The following AGBL1 variants were observed in gnomAD, a reference collection of about 807,000 sequenced individuals.
AGBL1 encodes the protein cytosolic carboxypeptidase 4.
AGBL1 carries 130 observed loss-of-function variants against 118.9 expected under a neutral mutation model. The observed-to-expected ratio is 1.09, with a 90% CI of 0.95 to 1.26. The LOEUF is 1.26. AGBL1 is among the 50% of genes most tolerant of loss of function. The pLI, the probability that AGBL1 is intolerant of heterozygous loss-of-function variation, is 0.00. For missense variants in AGBL1, 1,584 were observed against 1,298.1 expected (o/e 1.22, Z -3.38); for synonymous variants, 555 against 478.9 (o/e 1.16, Z -2.08).
chr15:86,313,358 C>T (rs895171469), intron 17 of AGBL1, among the ~76,000 whole-genome samples: 1 of 152,146 alleles, frequency 6.6e-6, no homozygotes, highest in Non-Finnish European at 1.5e-5. Context: ...AGTCTAAGCA[C>T]ACTTACGCAA....
At chr15:86,748,592 A>T (rs1424840807) in intron 22 of AGBL1, among the ~76,000 whole-genome samples, 2 of 124,006 alleles carry the variant, frequency 1.6e-5, no homozygotes, top group East Asian at 5.0e-4. Flanking sequence ...GCCCATGCCT[A>T]TGTCCTGAAT....
At chr15:86,266,059 C>G (rs918079938) in intron 11 of AGBL1, among the ~76,000 whole-genome samples, 17 of 152,200 alleles carry the variant, frequency 1.1e-4, no homozygotes, top group African/African-American at 4.1e-4. Context: ...ATTCCCACAG[C>G]TAGAAAAGTT....
At chr15:86,420,769 C>G (rs1483246558) in intron 18 of AGBL1, among the ~76,000 whole-genome samples, 2 of 152,146 alleles carry the variant, frequency 1.3e-5, no homozygotes, top group African/African-American at 4.8e-5. Flanking sequence ...ATATAAATGA[C>G]CTGATGGAGC....
chr15:86,906,346 C>T (rs28628097), intron 22 of AGBL1, among the ~76,000 whole-genome samples: 24,378 of 152,208 alleles, frequency 0.16, 2,343 homozygotes, highest in African/African-American at 0.28. Flanking sequence ...CCTACTGCCC[C>T]CTTCTATCGC....
intron 24 of AGBL1, among the ~76,000 whole-genome samples, chr15:86,992,170 C>T (rs1457488622): frequency 2.6e-5 from 4 of 151,902 alleles, no homozygotes; most frequent in Non-Finnish European, 5.9e-5. Context: ...GGGGATGTAG[C>T]ACGTGCCACA....
chr15:86,355,337 G>A (rs1250647860), intron 17 of AGBL1, among the ~76,000 whole-genome samples: 1 of 152,138 alleles, frequency 6.6e-6, no homozygotes, highest in African/African-American at 2.4e-5. Context: ...GTAAATAAAT[G>A]GTTCATCGGT....
At chr15:86,315,810 C>A (rs942043548) in intron 17 of AGBL1, among the ~76,000 whole-genome samples, 2 of 151,666 alleles carry the variant, frequency 1.3e-5, no homozygotes, top group Admixed American at 6.6e-5. Flanking sequence ...CCTTTTATTT[C>A]ACACGGGAAT....
At chr15:86,917,797 G>A (rs1220392796), downstream of AGBL1, among the ~76,000 whole-genome samples, 1 of 151,960 alleles carries the variant, frequency 6.6e-6, no homozygotes, top group Non-Finnish European at 1.5e-5. This position sits in a 1 kb window ranked among gnomAD's most constrained non-coding sequence, Gnocchi z 4.8. Flanking sequence ...AGAGAAGAGA[G>A]AGGATGAGGA....
At chr15:86,792,982 T>G (rs1341151565) in intron 22 of AGBL1, among the ~76,000 whole-genome samples, 1 of 152,180 alleles carries the variant, frequency 6.6e-6, no homozygotes, top group Non-Finnish European at 1.5e-5. Context: ...TTTGTGCCTC[T>G]TGATAACTTA....
At chr15:86,569,188 T>C (rs2083963434) in intron 21 of AGBL1, among the ~76,000 whole-genome samples, 1 of 152,146 alleles carries the variant, frequency 6.6e-6, no homozygotes. Flanking sequence ...TCCCAACAAT[T>C]TGGGAGGCTG....
At chr15:86,482,681 A>T (rs554624214) in intron 18 of AGBL1, among the ~76,000 whole-genome samples, 1 of 152,150 alleles carries the variant, frequency 6.6e-6, no homozygotes, top group Non-Finnish European at 1.5e-5. Flanking sequence ...GTAGTTTTAC[A>T]TGTAACCTTG....
intron 22 of AGBL1, among the ~76,000 whole-genome samples, chr15:86,799,408 G>A (rs376675513): frequency 4.9e-4 from 74 of 152,196 alleles, no homozygotes; most frequent in Admixed American, 1.1e-3. Flanking sequence ...AGGTGTGGGC[G>A]AATAGGGTGG....
chr15:86,551,914 G>T (rs2083668454), intron 20 of AGBL1, among the ~76,000 whole-genome samples: 1 of 152,146 alleles, frequency 6.6e-6, no homozygotes, highest in Non-Finnish European at 1.5e-5. Flanking sequence ...ATTTCCAGCT[G>T]TATGACATTC....
rs200863060 is a variant in AGBL1, at chr15:86,633,897, G to GTA, written c.2995-40365_2995-40364dup. Reference sequence around the variant, plus strand: ...TATAATGTATATATATATATATAATGTATATATATATAACTTTATAAATAA... The same window carrying GTA: ...TATAATGTATATATATATATATAATGTATATATATATATAACTTTATAAATAA... On this transcript the variant is annotated intron_variant, in intron 21 of 22. Coordinates refer to ENST00000614907, the MANE Select transcript of AGBL1 (RefSeq NM_001386094.1). Among the ~76,000 whole-genome samples, 4 of 61,298 alleles carry GTA rather than the reference G, an allele frequency of 6.5e-5. No homozygotes were observed. In the Admixed American group the frequency reaches 6.7e-4, roughly 10 times the overall value. The allele number at this position is 61,298 out of a possible 152,430, so 40.2% of individuals were successfully genotyped here.
chr15:86,430,659 A>T (rs1039051608), intron 18 of AGBL1, among the ~76,000 whole-genome samples: 7 of 152,082 alleles, frequency 4.6e-5, no homozygotes, highest in African/African-American at 1.7e-4. Context: ...ATGCTTTAAT[A>T]GATGCATCAG....
intron 22 of AGBL1, among the ~76,000 whole-genome samples, chr15:86,788,131 G>A (rs1487910450): frequency 6.6e-6 from 1 of 152,180 alleles, no homozygotes; most frequent in African/African-American, 2.4e-5. Flanking sequence ...TCTAGAAGTT[G>A]ATGGAGTTTG....
At chr15:86,363,602 G>A (rs1291729545) in intron 17 of AGBL1, among the ~76,000 whole-genome samples, 1 of 151,972 alleles carries the variant, frequency 6.6e-6, no homozygotes, top group Non-Finnish European at 1.5e-5. Context: ...AGTTTCCCCA[G>A]GAAACAATAT....
intron 18 of AGBL1, among the ~76,000 whole-genome samples, chr15:86,513,680 G>T (rs1260424465): frequency 1.3e-5 from 2 of 151,980 alleles, no homozygotes; most frequent in East Asian, 3.9e-4. Context: ...TTCTCTAAAT[G>T]TATAAATCTA....
At chr15:86,898,136 A>T (rs1942258621) in intron 22 of AGBL1, among the ~76,000 whole-genome samples, 1 of 152,206 alleles carries the variant, frequency 6.6e-6, no homozygotes, top group African/African-American at 2.4e-5. Context: ...AATAGCAGGA[A>T]AAAACTTCTC....
Sources: gnomAD v4.1 joint callset for allele counts (sites outside exome capture counted in the v4.1 genomes callset) on GRCh38, gnomAD v4.1.1 for gene constraint, Gnocchi (gnomAD v3.1) non-coding constraint, MANE v1.5 for transcripts, NCBI Gene and HGNC (gene_info 2026-07-23, HGNC 2026-07-21) for gene names.